The following LRGUK variants were observed in gnomAD, a reference collection of about 807,000 sequenced individuals.
LRGUK encodes the protein leucine rich repeats and guanylate kinase domain containing.
LRGUK carries 65 observed loss-of-function variants against 76.0 expected under a neutral mutation model. The ratio of observed to expected loss-of-function variants is 0.85; its 90% CI spans 0.70 to 1.05. The LOEUF (loss-of-function observed/expected upper bound fraction) is 1.05, where lower values mean the gene tolerates loss of function less well. Among genes scored for constraint, LRGUK ranks in the 50% least tolerant of loss-of-function variants. The probability of loss-of-function intolerance (pLI) is 0.00; values close to 1 mark genes in which losing one functional copy is unlikely to be tolerated. For synonymous variants in LRGUK, 268 were observed against 265.6 expected (o/e 1.01, Z -0.09); for missense variants, 758 against 732.8 (o/e 1.03, Z -0.40).
chr7:134,137,756 T>C (rs1309980953), intron 2 of LRGUK, among the ~76,000 whole-genome samples: 1 of 152,198 alleles, frequency 6.6e-6, no homozygotes, highest in African/African-American at 2.4e-5. Flanking sequence ...TTTGTCTCTC[T>C]GTAGTCCTAG....
intron 6 of LRGUK, among the ~76,000 whole-genome samples, chr7:134,161,402 G>A (rs563091701): frequency 6.6e-6 from 1 of 151,664 alleles, no homozygotes; most frequent in South Asian, 2.1e-4. Context: ...TTTGGCAAAT[G>A]GATTATGGGT....
intron 14 of LRGUK, among the ~76,000 whole-genome samples, chr7:134,200,756 C>CTG (rs1199755235): frequency 3.9e-5 from 6 of 152,122 alleles, no homozygotes; most frequent in Non-Finnish European, 8.8e-5. Flanking sequence ...TTTTCTATTC[C>CTG]TGCATAGAAA....
intron 12 of LRGUK, among the ~76,000 whole-genome samples, chr7:134,192,393 C>G (rs749297877): frequency 8.5e-5 from 13 of 152,184 alleles, no homozygotes; most frequent in Non-Finnish European, 1.3e-4. Flanking sequence ...TATGTTTTTA[C>G]AAGGTCAAGG....
At chr7:134,258,679 G>T in intron 19 of LRGUK, among the ~76,000 whole-genome samples, 1 of 150,878 alleles carries the variant, frequency 6.6e-6, no homozygotes, top group African/African-American at 2.4e-5. Flanking sequence ...TGGGTAACAA[G>T]AGCAAAACTC....
At chr7:134,195,044 T>C (rs1800422952) in intron 12 of LRGUK, among the ~76,000 whole-genome samples, 1 of 152,036 alleles carries the variant, frequency 6.6e-6, no homozygotes, top group Admixed American at 6.6e-5. Context: ...GGAGTGCTGA[T>C]TGGTCAGAGA....
At chr7:134,270,218 A>G in the LRGUK span, among the ~76,000 whole-genome samples, 1 of 152,204 alleles carries the variant, frequency 6.6e-6, no homozygotes, top group Non-Finnish European at 1.5e-5. Flanking sequence ...ATGACTAAAT[A>G]TGTTCATTAA....
intron 11 of LRGUK, among the ~76,000 whole-genome samples, chr7:134,189,448 TA>T (rs1181588151): frequency 2.0e-5 from 3 of 152,140 alleles, no homozygotes; most frequent in African/African-American, 7.2e-5. Flanking sequence ...GATGATGAAT[TA>T]AAAAAACACA....
In LRGUK at chr7:134,143,174, G is replaced by A. The variant is rs1370159881; in HGVS notation, c.588+12G>A. 4.0e-6 allele frequency: 6 copies of A among 1,484,438 alleles called. No individual in the cohort carries two copies. Among genetic ancestry groups the A allele is most frequent in the Middle Eastern group, 1.7e-4 (1 of 5,840 alleles). The allele number at this position is 1,484,438 out of a possible 1,614,324, so 92.0% of individuals were successfully genotyped here. A position where few individuals can be genotyped will look rare whatever the true frequency, so the allele number is the denominator to read the frequency against. On this transcript the variant is annotated intron_variant, in intron 4 of 15. Transcript: ENST00000645682. ...CCAAAAACCTCAAGGTAGACTTTAT[G>A]AATACCTTAATTACACATTAAGGGG...
At chr7:134,170,186 T>C (rs970290392) in intron 7 of LRGUK, among the ~76,000 whole-genome samples, 1 of 152,108 alleles carries the variant, frequency 6.6e-6, no homozygotes, top group South Asian at 2.1e-4. Context: ...AACTATCATT[T>C]ATTTTATTAT....
At chr7:134,230,359 T>C (rs934517383) in intron 16 of LRGUK, among the ~76,000 whole-genome samples, 1 of 152,076 alleles carries the variant, frequency 6.6e-6, no homozygotes, top group Non-Finnish European at 1.5e-5. Context: ...TATCAATATG[T>C]GGGGCAATGG....
intron 12 of LRGUK, among the ~76,000 whole-genome samples, chr7:134,193,280 A>T (rs1800335876): frequency 6.6e-6 from 1 of 152,244 alleles, no homozygotes; most frequent in South Asian, 2.1e-4. Context: ...CTCAATAGAG[A>T]TTTGAGAAGT....
chr7:134,269,726 T>C, the LRGUK span, among the ~76,000 whole-genome samples: 1 of 152,130 alleles, frequency 6.6e-6, no homozygotes, highest in East Asian at 1.9e-4. Flanking sequence ...CTTGAGCAAA[T>C]AAAATTCAGC....
At chr7:134,191,547 A>T in intron 11 of LRGUK, 108 bp from the exon 12 acceptor site, 2 of 776,326 alleles carry the variant, frequency 2.6e-6, no homozygotes, top group Non-Finnish European at 2.2e-6. Flanking sequence ...TTTATGATTT[A>T]TGATTTGTGG....
At chr7:134,255,346 T>C (rs1802550780) in intron 18 of LRGUK, among the ~76,000 whole-genome samples, 1 of 152,054 alleles carries the variant, frequency 6.6e-6, no homozygotes, top group African/African-American at 2.4e-5. Flanking sequence ...GCAAGTTAAT[T>C]AGTCGGTAAA....
At chr7:134,249,318 A>T (rs1423247894) in intron 18 of LRGUK, among the ~76,000 whole-genome samples, 1 of 152,134 alleles carries the variant, frequency 6.6e-6, no homozygotes. Context: ...AGAAAGACAC[A>T]GGGGCAGTTA....
chr7:134,154,223 C>T (rs1001973793), intron 5 of LRGUK, among the ~76,000 whole-genome samples: 11 of 152,002 alleles, frequency 7.2e-5, no homozygotes, highest in African/African-American at 2.4e-4. Flanking sequence ...TTAAAATATA[C>T]GTAAGAGGAT....
intron 10 of LRGUK, among the ~76,000 whole-genome samples, chr7:134,178,934 A>AAAAAAAAAAAAAAAACC (rs376955591): frequency 0.03 from 2,336 of 78,080 alleles, 94 homozygotes; most frequent in East Asian, 0.087. Flanking sequence ...CTCAAAAAAA[A>AAAAAAAAAAAAAAAACC]AAAAAAAAAA....
intron 16 of LRGUK, among the ~76,000 whole-genome samples, chr7:134,242,712 C>A (rs1432984439): frequency 6.6e-6 from 1 of 152,130 alleles, no homozygotes. Context: ...ATGAAGCCAA[C>A]ATCATCCTGA....
Position 134,249,196 on chromosome 7 carries a change from G to T in LRGUK, c.2198+120G>T, listed in dbSNP as rs1275316522. ...ACTGGGAAGCAGGGCCCTAACTCCC[G>T]CTGTAGAATTTGAAGGGAGTAGACC... On this transcript the variant is annotated intron_variant, in intron 18 of 19. Coordinates refer to the LRGUK transcript ENST00000285928. 5 of 1,148,470 alleles carry T rather than the reference G, an allele frequency of 4.4e-6. No individual in the cohort carries two copies. The South Asian group carries it at 1.1e-4, about 26-fold the overall frequency. The allele number at this position is 1,148,470 out of a possible 1,614,324, so 71.1% of individuals were successfully genotyped here.
Sources: gnomAD v4.1 joint callset for allele counts (sites outside exome capture counted in the v4.1 genomes callset) on GRCh38, gnomAD v4.1.1 for gene constraint, MANE v1.5 for transcripts, NCBI Gene and HGNC (gene_info 2026-07-23, HGNC 2026-07-21) for gene names.